Variants in TMEM178B observed in about 807,000 individuals in gnomAD.
The protein encoded by TMEM178B is transmembrane protein 178B.
In TMEM178B, 5 loss-of-function variants were observed where a neutral mutation model predicts 31.0. The observed-to-expected ratio is 0.16, with a 90% CI of 0.08 to 0.34. The LOEUF (loss-of-function observed/expected upper bound fraction) is 0.34, where lower values mean the gene tolerates loss of function less well. Ranked by LOEUF, TMEM178B falls within the 10% of genes least tolerant of loss-of-function variation. TMEM178B has a pLI of 1.00. For synonymous variants in TMEM178B, 164 were observed against 164.0 expected (o/e 1.00, Z 0.00); for missense variants, 275 against 400.3 (o/e 0.69, Z 2.67).
chr7:141,074,185 G>T lies in TMEM178B; in HGVS notation c.-126G>T. ...TCCGGTAGGCGGGGGCCGAGGGGGC[G>T]CCGCGGCGCGAGTCCCTCTCCTGCC... On this transcript the variant is annotated 5_prime_UTR_variant, in exon 1 of 4. Transcript: ENST00000565468. This position sits in a 1 kb window ranked among gnomAD's most constrained non-coding sequence, Gnocchi z 5.1. 1 of 1,326,664 alleles carries T rather than the reference G, an allele frequency of 7.5e-7. No individual in the cohort carries two copies. The highest frequency in any genetic ancestry group is 2.7e-5 in the East Asian group (1 of 36,728). The allele number at this position is 1,326,664 out of a possible 1,614,324, so 82.2% of individuals were successfully genotyped here. A position where few individuals can be genotyped will look rare whatever the true frequency, so the allele number is the denominator to read the frequency against.
At chr7:141,381,497 A>G (rs1341873519) in intron 2 of TMEM178B, among the ~76,000 whole-genome samples, 1 of 151,998 alleles carries the variant, frequency 6.6e-6, no homozygotes, top group Admixed American at 6.5e-5. Context: ...CTGAGCTCCA[A>G]ATACTTCTGT....
chr7:141,282,853 TGGGATGAAAAAGA>T, intron 2 of TMEM178B, among the ~76,000 whole-genome samples: 1 of 152,228 alleles, frequency 6.6e-6, no homozygotes, highest in South Asian at 2.1e-4. Flanking sequence ...CCAACTGCAT[TGGGATGAAAAAGA>T]AGGACAGGAA....
intron 2 of TMEM178B, among the ~76,000 whole-genome samples, chr7:141,359,435 T>A (rs1442997007): frequency 2.0e-5 from 3 of 152,258 alleles, no homozygotes; most frequent in African/African-American, 7.2e-5. Context: ...CATCCAAACC[T>A]GTACTCCAAT....
chr7:141,310,322 AAAG>A (rs145308370), intron 2 of TMEM178B, among the ~76,000 whole-genome samples: 9,409 of 152,312 alleles, frequency 0.062, 394 homozygotes, highest in Non-Finnish European at 0.093. Flanking sequence ...ACAAATATGA[AAAG>A]AAGTCATCAC....
chr7:141,284,409 C>T (rs1001083579), intron 2 of TMEM178B, among the ~76,000 whole-genome samples: 3 of 152,188 alleles, frequency 2.0e-5, no homozygotes, highest in African/African-American at 7.2e-5. Flanking sequence ...GATGATACCT[C>T]AGTCTGTTAT....
intron 2 of TMEM178B, among the ~76,000 whole-genome samples, chr7:141,299,054 G>T (rs900437266): frequency 1.3e-5 from 2 of 152,112 alleles, no homozygotes; most frequent in African/African-American, 4.8e-5. Context: ...AGATGTCACT[G>T]GAAAAGATCT....
intron 1 of TMEM178B, among the ~76,000 whole-genome samples, chr7:141,101,022 A>T (rs1795047881): frequency 1.3e-5 from 2 of 152,184 alleles, no homozygotes; most frequent in African/African-American, 4.8e-5. Flanking sequence ...ATGTGCCCTC[A>T]AGCTATTACA....
At chr7:141,186,472 C>T (rs1303368207) in intron 1 of TMEM178B, among the ~76,000 whole-genome samples, 1 of 152,214 alleles carries the variant, frequency 6.6e-6, no homozygotes, top group Non-Finnish European at 1.5e-5. Context: ...CTCTACTTAG[C>T]TTCTTCCTTG....
At chr7:141,455,602 C>T (rs910148213) in intron 3 of TMEM178B, among the ~76,000 whole-genome samples, 12 of 152,238 alleles carry the variant, frequency 7.9e-5, no homozygotes, top group African/African-American at 2.9e-4. Flanking sequence ...TATTTAACCT[C>T]TCTGTGCCTC....
intron 2 of TMEM178B, among the ~76,000 whole-genome samples, chr7:141,300,074 A>G (rs989365014): frequency 1.2e-4 from 19 of 152,182 alleles, no homozygotes; most frequent in African/African-American, 4.1e-4. Flanking sequence ...GTGAGCCACC[A>G]TACCTGGCCC....
intron 2 of TMEM178B, among the ~76,000 whole-genome samples, chr7:141,259,653 G>A (rs1302307792): frequency 6.6e-6 from 1 of 152,140 alleles, no homozygotes; most frequent in Non-Finnish European, 1.5e-5. Context: ...CCGACAATAC[G>A]TAGCTACTAA....
At chr7:141,266,375 C>CCTCATTT (rs1175942192) in intron 2 of TMEM178B, among the ~76,000 whole-genome samples, 1 of 152,170 alleles carries the variant, frequency 6.6e-6, no homozygotes, top group East Asian at 1.9e-4. Flanking sequence ...GAGAGAGAAG[C>CCTCATTT]CTCATTTCTG....
rs189406597 is a variant in TMEM178B, at chr7:141,423,934, G to A, written c.497-13674G>A. Among the ~76,000 whole-genome samples, 27 of 150,400 alleles carry A rather than the reference G, an allele frequency of 1.8e-4. No homozygotes were observed. The East Asian group carries it at 4.2e-3, about 23-fold the overall frequency. The stretch of plus-strand genomic sequence containing the variant: ...AGTGATTCTCCTGCCTTAGCCTCGC[G>A]AATAAGTGGGATTACAGCTGCATGC... On this transcript the variant is annotated intron_variant, in intron 2 of 3. Coordinates refer to ENST00000565468, the MANE Select transcript of TMEM178B (RefSeq NM_001195278.2).
At chr7:141,142,550 G>C (rs1405544048) in intron 1 of TMEM178B, among the ~76,000 whole-genome samples, 1 of 151,930 alleles carries the variant, frequency 6.6e-6, no homozygotes, top group Non-Finnish European at 1.5e-5. Flanking sequence ...TAGGACTACA[G>C]GTGCCCACCA....
chr7:141,298,530 A>T (rs1432918895), intron 2 of TMEM178B, among the ~76,000 whole-genome samples: 2 of 152,210 alleles, frequency 1.3e-5, no homozygotes, highest in African/African-American at 2.4e-5. Context: ...TGTGCAGACC[A>T]ACATTGGGTA....
chr7:141,406,523 T>C (rs1048430653), intron 2 of TMEM178B, among the ~76,000 whole-genome samples: 2 of 152,238 alleles, frequency 1.3e-5, no homozygotes, highest in African/African-American at 2.4e-5. Flanking sequence ...TCTATGTTTA[T>C]TGAGGTTACT....
chr7:141,464,047 A>G (rs1802107030), intron 3 of TMEM178B, among the ~76,000 whole-genome samples: 1 of 152,190 alleles, frequency 6.6e-6, no homozygotes, highest in South Asian at 2.1e-4. Flanking sequence ...TGTGTGAGAA[A>G]TGATGGAAGC....
Position 141,074,225 on chromosome 7 carries a change from G to T in TMEM178B, c.-86G>T. On this transcript the variant is annotated 5_prime_UTR_variant, in exon 1 of 4. Transcript: ENST00000565468. The surrounding 1 kb of genome is among the most constrained non-coding windows in gnomAD (Gnocchi z 5.1). ...CCTCTCCTGCCCCCTCCCCCAGCTC[G>T]GCCGCCCGCCGCTTTGTTCCGGGTG... 1 of 1,434,240 alleles carries T rather than the reference G, an allele frequency of 7.0e-7. No homozygotes were observed. The highest frequency in any genetic ancestry group is 9.1e-7 in the Non-Finnish European group (1 of 1,097,318). 88.8% of individuals were successfully genotyped at this position (1,434,240 alleles called of 1,614,324 possible).
At chr7:141,191,677 T>C (rs1443059635) in intron 1 of TMEM178B, among the ~76,000 whole-genome samples, 1 of 152,228 alleles carries the variant, frequency 6.6e-6, no homozygotes, top group East Asian at 1.9e-4. Context: ...TTTGCTCATT[T>C]TTAAATTGTA....
Sources: gnomAD v4.1 joint callset for allele counts (sites outside exome capture counted in the v4.1 genomes callset) on GRCh38, gnomAD v4.1.1 for gene constraint, Gnocchi (gnomAD v3.1) non-coding constraint, MANE v1.5 for transcripts, NCBI Gene and HGNC (gene_info 2026-07-23, HGNC 2026-07-21) for gene names.